SORCS2: variants seen among roughly 807,000 people sequenced by gnomAD.
The protein encoded by SORCS2 is VPS10 domain-containing receptor SorCS2.
A neutral mutation model predicts 141.6 loss-of-function variants in SORCS2; 100 were observed. The observed-to-expected ratio is 0.71, with a 90% confidence interval of 0.60 to 0.83. The LOEUF is 0.83. Among genes scored for constraint, SORCS2 ranks in the 40% least tolerant of loss-of-function variants. SORCS2 has a pLI of 0.00. For synonymous variants in SORCS2, 789 were observed against 676.9 expected (o/e 1.17, Z -2.57); for missense variants, 1,646 against 1,560.2 (o/e 1.05, Z -0.93).
chr4:7,337,065 C>T (rs1229856707), intron 1 of SORCS2, among the ~76,000 whole-genome samples: 2 of 152,126 alleles, frequency 1.3e-5, no homozygotes, highest in Non-Finnish European at 2.9e-5. Context: ...CTTTTTGTGC[C>T]GAGGTCCAGT....
intron 1 of SORCS2, among the ~76,000 whole-genome samples, chr4:7,281,489 T>C (rs1715876452): frequency 6.6e-6 from 1 of 152,218 alleles, no homozygotes. Context: ...TGGGCCTTTC[T>C]GTCCTGTTGC....
chr4:7,558,837 G>A (rs760918962), intron 3 of SORCS2, among the ~76,000 whole-genome samples: 3 of 152,096 alleles, frequency 2.0e-5, no homozygotes, highest in Non-Finnish European at 2.9e-5. Flanking sequence ...TCTAGTCCAC[G>A]GGCCTCTGGC....
At chr4:7,734,413 C>A in intron 25 of SORCS2, 39 bp downstream of exon 25, 1 of 1,394,540 alleles carries the variant, frequency 7.2e-7, no homozygotes, top group Non-Finnish European at 9.6e-7. Flanking sequence ...GGGCTCTGAC[C>A]ATGGGGCCGT....
chr4:7,194,205 C>T (rs1340501334), intron 1 of SORCS2, among the ~76,000 whole-genome samples: 1 of 152,078 alleles, frequency 6.6e-6, no homozygotes, highest in Non-Finnish European at 1.5e-5. Flanking sequence ...GCCTTGCTGT[C>T]TCCTGGGGTC....
At chr4:7,421,840 A>C (rs908823605) in intron 2 of SORCS2, among the ~76,000 whole-genome samples, 3 of 146,042 alleles carry the variant, frequency 2.1e-5, no homozygotes, top group African/African-American at 7.3e-5. Context: ...CTTGCAAATG[A>C]AATCCAGTGG....
chr4:7,241,655 A>T (rs565128377), intron 1 of SORCS2, among the ~76,000 whole-genome samples: 8 of 152,166 alleles, frequency 5.3e-5, no homozygotes, highest in Non-Finnish European at 1.2e-4. Context: ...CAGGAGACGC[A>T]CTGAGAACTC....
chr4:7,206,715 G>A (rs1210046744), intron 1 of SORCS2, among the ~76,000 whole-genome samples: 2 of 152,146 alleles, frequency 1.3e-5, no homozygotes, highest in Non-Finnish European at 2.9e-5. Context: ...CCATGGTGGG[G>A]CCACTGGGTC....
chr4:7,402,591 A>C (rs890150668), intron 2 of SORCS2, among the ~76,000 whole-genome samples: 1 of 152,194 alleles, frequency 6.6e-6, no homozygotes, highest in Non-Finnish European at 1.5e-5. Flanking sequence ...TGCCACTCCA[A>C]TCAGGGCTGC....
At chr4:7,205,767 A>ACGCG (rs1727696163) in intron 1 of SORCS2, among the ~76,000 whole-genome samples, 1 of 152,198 alleles carries the variant, frequency 6.6e-6, no homozygotes. Context: ...CTGAGGCCGG[A>ACGCG]CGCGGTGGCT....
intron 1 of SORCS2, among the ~76,000 whole-genome samples, chr4:7,195,873 T>A (rs1051073300): frequency 6.6e-6 from 1 of 152,238 alleles, no homozygotes; most frequent in Non-Finnish European, 1.5e-5. Context: ...ACGTTTTCTT[T>A]CCTCAACTTG....
chr4:7,218,516 A>G (rs60813460), intron 1 of SORCS2, among the ~76,000 whole-genome samples: 2,734 of 152,330 alleles, frequency 0.018, 75 homozygotes, highest in African/African-American at 0.061. Context: ...TTCCTCTCTC[A>G]AGAGATTAAA....
intron 26 of SORCS2, among the ~76,000 whole-genome samples, chr4:7,739,614 C>T (rs1026411921): frequency 6.6e-6 from 1 of 152,148 alleles, no homozygotes; most frequent in Non-Finnish European, 1.5e-5. Context: ...GAAGGATGGG[C>T]GAGGACTCAG....
At chr4:7,543,412 C>T (rs1051410887) in intron 3 of SORCS2, among the ~76,000 whole-genome samples, 12 of 143,456 alleles carry the variant, frequency 8.4e-5, no homozygotes, top group African/African-American at 2.8e-4. Context: ...TCCACCCATC[C>T]ATCTATCCAT....
chr4:7,346,949 G>C (rs1245952775), intron 1 of SORCS2, among the ~76,000 whole-genome samples: 2 of 152,150 alleles, frequency 1.3e-5, no homozygotes, highest in African/African-American at 4.8e-5. Context: ...GCTCTTTATG[G>C]TCAGCACTTA....
At chr4:7,510,325 C>T (rs1333999913) in intron 2 of SORCS2, among the ~76,000 whole-genome samples, 1 of 152,220 alleles carries the variant, frequency 6.6e-6, no homozygotes, top group African/African-American at 2.4e-5. Context: ...CCCTGCCCTC[C>T]CCAGCTGTGG....
intron 1 of SORCS2, among the ~76,000 whole-genome samples, chr4:7,392,308 G>C (rs531888122): frequency 6.6e-6 from 1 of 151,534 alleles, no homozygotes; most frequent in South Asian, 2.1e-4. Flanking sequence ...CCCACCCTTA[G>C]GTGTCAGGAG....
intron 2 of SORCS2, among the ~76,000 whole-genome samples, chr4:7,419,272 A>C (rs1725888496): frequency 6.6e-6 from 1 of 152,290 alleles, no homozygotes; most frequent in South Asian, 2.1e-4. Context: ...AGGCAGTTCC[A>C]TAGGGTCCTG....
intron 2 of SORCS2, among the ~76,000 whole-genome samples, chr4:7,455,379 G>A (rs1728826445): frequency 8.2e-6 from 1 of 122,572 alleles, no homozygotes; most frequent in African/African-American, 3.3e-5. Flanking sequence ...CAGGAGCTGT[G>A]TGTTGGGGTC....
At chr4:7,393,892 C>A (rs1459815034) in intron 1 of SORCS2, among the ~76,000 whole-genome samples, 1 of 152,174 alleles carries the variant, frequency 6.6e-6, no homozygotes, top group African/African-American at 2.4e-5. Context: ...AAGCGTGGAA[C>A]CCGGGTGGTC....
Sources: allele counts gnomAD v4.1 joint callset (sites outside exome capture counted in the v4.1 genomes callset), GRCh38; gene constraint gnomAD v4.1.1; transcripts MANE v1.5; gene names NCBI Gene and HGNC (gene_info 2026-07-23, HGNC 2026-07-21).